KAT8: variants seen among roughly 807,000 people sequenced by gnomAD.
KAT8 encodes histone acetyltransferase KAT8.
A neutral mutation model predicts 62.9 loss-of-function variants in KAT8; 40 were observed. The ratio of observed to expected loss-of-function variants is 0.64; its 90% CI spans 0.49 to 0.83. KAT8 has a LOEUF of 0.83. Ranked by LOEUF, KAT8 falls within the 40% of genes least tolerant of loss-of-function variation. The pLI is 0.00. For synonymous variants in KAT8, 278 were observed against 254.5 expected (o/e 1.09, Z -0.88); for missense variants, 387 against 614.8 (o/e 0.63, Z 3.92).
chr16:31,131,140 G>T (rs753780065), intron 10 of KAT8, 55 bp from the exon 11 acceptor site: 8 of 1,606,258 alleles, frequency 5.0e-6, no homozygotes, highest in Non-Finnish European at 6.0e-6. Context: ...GGGCAGCCAG[G>T]TGTGAGCTGG....
intron 3 of KAT8, chr16:31,122,220 G>C (rs2057499997): frequency 6.6e-6 from 1 of 152,214 alleles, no homozygotes; most frequent in Admixed American, 6.5e-5. Flanking sequence ...ATGGAAGAAA[G>C]AAAGTGGATA....
Position 31,127,250 on chromosome 16 carries a change from A to G in KAT8, c.578A>G (p.Tyr193Cys). Residue 193 changes from tyrosine (Y) to cysteine (C), a missense_variant, in exon 5 of 11, where the codon TAT becomes TGT. By Grantham distance (194) the Tyr-to-Cys change is radical. Coordinates refer to ENST00000219797, the MANE Select transcript of KAT8 (RefSeq NM_032188.3). The part of the protein sequence containing the change: ...HIGNYEIDAW[Y>C]FSPFPEDYGK... ...GGGAACTACGAAATTGATGCCTGGT[A>G]TTTCTCACCATTCCCCGAAGACTAT... 1 of 1,614,196 alleles carries G rather than the reference A, an allele frequency of 6.2e-7. No individual in the cohort carries two copies. Among genetic ancestry groups the G allele is most frequent in the Non-Finnish European group, 8.5e-7 (1 of 1,180,014 alleles).
intron 10 of KAT8, 129 bp from the exon 11 acceptor site, chr16:31,131,065 TC>T: frequency 6.6e-7 from 1 of 1,507,514 alleles, no homozygotes; most frequent in Admixed American, 2.1e-5. Flanking sequence ...TCCCTACCCC[TC>T]CCCAGCACAG....
chr16:31,122,477 T>C (rs376567983), intron 3 of KAT8: 1 of 152,192 alleles, frequency 6.6e-6, no homozygotes, highest in Non-Finnish European at 1.5e-5. Flanking sequence ...AACTGCCGAA[T>C]CGAACTTCCT....
chr16:31,120,457 G>A lies in KAT8; in HGVS notation c.405G>A (p.Glu135=), dbSNP rs140559515. The A allele has an allele frequency of 7.4e-6, 12 of 1,613,636 alleles. No homozygotes were observed. Among genetic ancestry groups the A allele is most frequent in the Non-Finnish European group, 9.3e-6 (11 of 1,179,974 alleles). The change falls in exon 3 of 11, where the codon GAG becomes GAA. Residue 135 remains glutamate (E), a synonymous_variant. Transcript: ENST00000219797. Reference sequence around the variant, plus strand: ...TGAGCGAGCTCGCAGAGCAGCCTGAGCGCAAGATCACTCGCAACCAAAAGC... The same window carrying A: ...TGAGCGAGCTCGCAGAGCAGCCTGAACGCAAGATCACTCGCAACCAAAAGC... ...KYLSELAEQP[E]RKITRNQKRK... is the part of the protein sequence containing the mutation.
At chr16:31,128,492 C>G (rs757884737) in intron 6 of KAT8, among the ~76,000 whole-genome samples, 24 of 151,998 alleles carry the variant, frequency 1.6e-4, no homozygotes, top group Non-Finnish European at 3.2e-4. Context: ...TTGCAGTGAG[C>G]TGAGATTGTG....
At chr16:31,130,968 A>G in intron 10 of KAT8, 68 bp downstream of exon 10, 5 of 1,564,730 alleles carry the variant, frequency 3.2e-6, no homozygotes, top group Non-Finnish European at 3.5e-6. Flanking sequence ...GTAGGAGTCA[A>G]GGCCTCCTTA....
At chr16:31,129,641 C>T (rs552341949) in intron 6 of KAT8, among the ~76,000 whole-genome samples, 4 of 152,306 alleles carry the variant, frequency 2.6e-5, no homozygotes, top group Non-Finnish European at 5.9e-5. Flanking sequence ...TACTTAGACT[C>T]GTGCTAGGCG....
intron 1 of KAT8, among the ~76,000 whole-genome samples, 166 bp from the exon 2 acceptor site, chr16:31,120,020 C>T (rs1024087525): frequency 1.3e-5 from 2 of 152,166 alleles, no homozygotes; most frequent in African/African-American, 4.8e-5. Context: ...ACAGCCTCAA[C>T]CTGATCCACC....
chr16:31,125,115 C>G (rs1207533465), intron 3 of KAT8, among the ~76,000 whole-genome samples: 2 of 151,768 alleles, frequency 1.3e-5, no homozygotes, highest in African/African-American at 4.8e-5. Flanking sequence ...TCACTTAAGC[C>G]CAGAAGGCAG....
At chr16:31,118,341 A>C in intron 1 of KAT8, 2 of 153,998 alleles carry the variant, frequency 1.3e-5, no homozygotes, top group Non-Finnish European at 2.9e-5. Context: ...TTAACCCCAA[A>C]CTCCTTAGGG....
intron 3 of KAT8, among the ~76,000 whole-genome samples, chr16:31,123,332 G>A (rs1037484185): frequency 1.3e-5 from 2 of 150,784 alleles, no homozygotes; most frequent in African/African-American, 2.4e-5. Context: ...GTTTCCTGCC[G>A]CAGCCTCCCA....
Position 31,127,285 on chromosome 16 carries a change from C to T in KAT8, c.613C>T (p.Pro205Ser). The change falls in exon 5 of 11, where the codon CCC becomes TCC. Residue 205 changes from proline (P) to serine (S), a missense_variant. Pro to Ser is a moderately conservative substitution (Grantham distance 74). Around this residue, in one of 6 missense-constraint regions of KAT8, gnomAD observed 141 missense variants for 222.5 expected, o/e 0.63. Transcript: ENST00000219797. ...SPFPEDYGKQ[P>S]KLWLCEYCLK... is the part of the protein sequence containing the mutation. ...ATTCCCCGAAGACTATGGGAAACAG[C>T]CCAAGCTCTGGCTCTGCGAGTACTG... The T allele has an allele frequency of 6.2e-7, 1 of 1,614,226 alleles. No homozygotes were observed. The highest frequency in any genetic ancestry group is 8.5e-7 in the Non-Finnish European group (1 of 1,180,024).
chr16:31,127,991 T>G, intron 5 of KAT8, 59 bp from the exon 6 acceptor site: 1 of 1,245,910 alleles, frequency 8.0e-7, no homozygotes, highest in Non-Finnish European at 1.2e-6. Flanking sequence ...AGTGGTGGGT[T>G]GGGTGCCTCC....
rs1413132116 is a variant in KAT8 at position 31,131,281 on chromosome 16, G to C, written c.*22G>C. ...GTGAGCAGCCTGGCCCCTGCTGTCG[G>C]ACCTGAGCCTCCTGGCTCCCAGCCT... is the stretch of plus-strand genomic sequence containing the variant. On this transcript the variant is annotated 3_prime_UTR_variant, in exon 11 of 11. Coordinates refer to ENST00000219797, the MANE Select transcript of KAT8 (RefSeq NM_032188.3). 2.5e-6 allele frequency: 4 copies of C among 1,613,890 alleles called. No individual in the cohort carries two copies. The highest frequency in any genetic ancestry group is 3.4e-6 in the Non-Finnish European group (4 of 1,179,968).
chr16:31,117,717 G>A lies in KAT8; in HGVS notation c.36G>A (p.Ala12=). ...AGGGAGCTGCTGCGGCGGTTGCGGC[G>A]GGGACTTCAGGGGTCGCGGGGGAGG... ...AAQGAAAAVA[A]GTSGVAGEGE... Residue 12 remains alanine, a synonymous_variant, in exon 1 of 11, where the codon GCG becomes GCA. Coordinates refer to ENST00000219797, the MANE Select transcript of KAT8 (RefSeq NM_032188.3). 7.2e-7 allele frequency: 1 copy of A among 1,382,652 alleles called. No homozygotes were observed. Among genetic ancestry groups the A allele is most frequent in the Admixed American group, 3.5e-5 (1 of 28,414 alleles). 85.6% of individuals were successfully genotyped at this position (1,382,652 alleles called of 1,614,324 possible). A position where few individuals can be genotyped will look rare whatever the true frequency, so the allele number is the denominator to read the frequency against.
In KAT8 at chr16:31,120,520, G is replaced by C. The variant is rs375933287; in HGVS notation, c.462+6G>C. 3.4e-5 allele frequency: 55 copies of C among 1,594,252 alleles called. No homozygotes were observed. In the African/African-American group the frequency reaches 6.0e-4, roughly 17 times the overall value. ...AGATCAACCATGTGCAGAAGGTCCG[G>C]ATCCCTTCCCATCCACGGGCCCAGG... is the stretch of plus-strand genomic sequence containing the variant. On this transcript the variant is annotated splice_donor_region_variant and intron_variant, in intron 3 of 10. Coordinates refer to ENST00000219797, the MANE Select transcript of KAT8 (RefSeq NM_032188.3).
intron 6 of KAT8, among the ~76,000 whole-genome samples, chr16:31,128,743 A>G (rs1445340181): frequency 6.6e-6 from 1 of 152,212 alleles, no homozygotes; most frequent in African/African-American, 2.4e-5. Flanking sequence ...CTTCCGTTGG[A>G]AAGAAAGGTG....
At chr16:31,128,884 C>A (rs959025285) in intron 6 of KAT8, among the ~76,000 whole-genome samples, 2 of 152,210 alleles carry the variant, frequency 1.3e-5, no homozygotes, top group African/African-American at 4.8e-5. Context: ...GCCTTTGGGA[C>A]CTGCCTAGCT....
Sources: allele counts gnomAD v4.1 joint callset (sites outside exome capture counted in the v4.1 genomes callset), GRCh38; gene constraint gnomAD v4.1.1; regional missense constraint gnomAD v4.1.1; transcripts MANE v1.5; gene names NCBI Gene and HGNC (gene_info 2026-07-23, HGNC 2026-07-21).